Variants in DENND2A observed in about 807,000 individuals in gnomAD.
DENND2A encodes the protein DENN domain-containing protein 2A.
DENND2A carries 53 observed loss-of-function variants against 105.3 expected under a neutral mutation model. That is an observed-to-expected ratio of 0.50 (90% CI 0.40 to 0.63). The LOEUF (loss-of-function observed/expected upper bound fraction) is 0.63. DENND2A is among the 30% of genes least tolerant of loss of function. The pLI, the probability that DENND2A is intolerant of heterozygous loss-of-function variation, is 0.00. For synonymous variants in DENND2A, 522 were observed against 508.4 expected (o/e 1.03, Z -0.36); for missense variants, 1,138 against 1,279.6 (o/e 0.89, Z 1.69).
intron 12 of DENND2A, among the ~76,000 whole-genome samples, chr7:140,551,299 C>CAAAAA (rs529992901): frequency 3.4e-4 from 24 of 71,358 alleles, no homozygotes; most frequent in East Asian, 5.1e-4. Flanking sequence ...GACTCCATCT[C>CAAAAA]AAAAAAAAAA....
intron 5 of DENND2A, among the ~76,000 whole-genome samples, chr7:140,576,050 T>C (rs1275058418): frequency 6.6e-6 from 1 of 151,506 alleles, no homozygotes; most frequent in Admixed American, 6.6e-5. Context: ...ATATAATTAT[T>C]TTTACATCAT....
Position 140,544,775 on chromosome 7 carries a change from G to T in DENND2A, c.2179-9C>A. On this transcript the variant is annotated splice_polypyrimidine_tract_variant and intron_variant, in intron 13 of 19. Transcript: ENST00000496613. ...CGGCACAGTTCGATCACCTGCCAGG[G>T]AACAGGAGCAGCCATGAAGGAGGGG... The T allele has an allele frequency of 6.4e-7, 1 of 1,565,018 alleles. No homozygotes were observed. Among genetic ancestry groups the T allele is most frequent in the Non-Finnish European group, 8.7e-7 (1 of 1,154,702 alleles).
Position 140,523,721 on chromosome 7 carries a change from C to T in DENND2A, c.2548-297G>A, listed in dbSNP as rs1485528067. On this transcript the variant is annotated intron_variant, in intron 16 of 19. Coordinates refer to ENST00000496613, the MANE Select transcript of DENND2A (RefSeq NM_015689.5). This position sits in a 1 kb window ranked among gnomAD's most constrained non-coding sequence, Gnocchi z 4.5. Reference sequence around the variant, plus strand: ...TCCCAAGTAGCTGGAACTACAGGCGCGTGCCACCGCTCCTGGCTAATGTTT... The same window carrying T: ...TCCCAAGTAGCTGGAACTACAGGCGTGTGCCACCGCTCCTGGCTAATGTTT... Among the ~76,000 whole-genome samples, 1 of 152,138 alleles carries T rather than the reference C, an allele frequency of 6.6e-6. No individual in the cohort carries two copies. The highest frequency in any genetic ancestry group is 1.5e-5 in the Non-Finnish European group (1 of 68,018).
chr7:140,608,614 T>G (rs1217486535), intron 1 of DENND2A, among the ~76,000 whole-genome samples: 1 of 151,528 alleles, frequency 6.6e-6, no homozygotes, highest in Non-Finnish European at 1.5e-5. Context: ...AGATGGAGGT[T>G]GCAGTGAGCT....
chr7:140,550,751 C>T (rs766858970), intron 12 of DENND2A, among the ~76,000 whole-genome samples: 6 of 151,884 alleles, frequency 4.0e-5, no homozygotes, highest in Admixed American at 6.6e-5. Context: ...TGAGCCACCG[C>T]GCCTGGCCTC....
intron 1 of DENND2A, among the ~76,000 whole-genome samples, chr7:140,619,603 G>T (rs979340136): frequency 1.4e-4 from 21 of 151,930 alleles, no homozygotes; most frequent in Admixed American, 8.5e-4. Context: ...GGGTTCGAGA[G>T]ATTCTCCTGC....
intron 5 of DENND2A, among the ~76,000 whole-genome samples, chr7:140,577,747 T>A (rs1798364324): frequency 6.6e-6 from 1 of 152,158 alleles, no homozygotes; most frequent in Admixed American, 6.6e-5. Flanking sequence ...TTGTGGGCCA[T>A]ATCCTCTCTG....
chr7:140,586,026 C>A (rs1159216912), intron 4 of DENND2A, among the ~76,000 whole-genome samples: 1 of 152,124 alleles, frequency 6.6e-6, no homozygotes, highest in African/African-American at 2.4e-5. Context: ...GATATCACTG[C>A]ATGGCATTCC....
At chr7:140,587,907 C>G in intron 3 of DENND2A, 127 bp from the exon 4 acceptor site, 1 of 1,103,772 alleles carries the variant, frequency 9.1e-7, no homozygotes. Context: ...CCGAAATCAA[C>G]TTTTATTTTA....
chr7:140,552,687 T>C (rs1437538729), intron 12 of DENND2A, among the ~76,000 whole-genome samples: 1 of 152,090 alleles, frequency 6.6e-6, no homozygotes, highest in Non-Finnish European at 1.5e-5. Context: ...TGTGAGCCAC[T>C]GCGCCTGGCC....
At chr7:140,615,882 G>A (rs1020511056) in intron 1 of DENND2A, among the ~76,000 whole-genome samples, 1 of 151,756 alleles carries the variant, frequency 6.6e-6, no homozygotes, top group African/African-American at 2.4e-5. Flanking sequence ...TGCTTAATGC[G>A]TCCACCAACA....
chr7:140,543,121 C>CTT (rs35896324), intron 14 of DENND2A, among the ~76,000 whole-genome samples: 8 of 139,172 alleles, frequency 5.7e-5, no homozygotes, highest in Non-Finnish European at 7.7e-5. Flanking sequence ...CTTTTCTTTT[C>CTT]TTTTTTTTTT....
rs913026990 is a variant in DENND2A, at chr7:140,523,793, G to A, written c.2548-369C>T. On this transcript the variant is annotated intron_variant, in intron 16 of 19. Transcript: ENST00000496613. The surrounding 1 kb of genome is among the most constrained non-coding windows in gnomAD (Gnocchi z 4.5). ...TCACCATGTTAGCCAGGCTGGTCTCGAACTCCTGACCTCAGGTGATCCGCC... is the reference window on the plus strand; with the variant it reads ...TCACCATGTTAGCCAGGCTGGTCTCAAACTCCTGACCTCAGGTGATCCGCC... Among the ~76,000 whole-genome samples, 6 of 152,174 alleles carry A rather than the reference G, an allele frequency of 3.9e-5. No individual in the cohort carries two copies. The highest frequency in any genetic ancestry group is 3.4e-3 in the Middle Eastern group (1 of 294).
At chr7:140,561,319 G>A (rs558177069) in intron 9 of DENND2A, among the ~76,000 whole-genome samples, 3 of 152,262 alleles carry the variant, frequency 2.0e-5, no homozygotes, top group African/African-American at 7.2e-5. Context: ...TGTTGCTGTT[G>A]TTGTTAATAG....
In DENND2A at chr7:140,555,560, A is replaced by G. The variant is rs149634983; in HGVS notation, c.2037+76T>C. 8,929 of 1,284,868 alleles carry G rather than the reference A, an allele frequency of 6.9e-3. 56 individuals carry two copies. The highest frequency in any genetic ancestry group is 0.011 in the Middle Eastern group (56 of 4,936). The allele number at this position is 1,284,868 out of a possible 1,614,324, so 79.6% of individuals were successfully genotyped here. ...AATAAGATGATAGAAGGCCCAGGAC[A>G]TGGGGGTATTCCCTGGAGCCCTCTA... On this transcript the variant is annotated intron_variant, in intron 12 of 19. Transcript: ENST00000496613.
chr7:140,591,063 C>T (rs1048675772), intron 3 of DENND2A, among the ~76,000 whole-genome samples: 3 of 152,014 alleles, frequency 2.0e-5, no homozygotes, highest in East Asian at 1.9e-4. Context: ...TTTGGGAGGC[C>T]GAAGCAGGTG....
chr7:140,558,964 C>G (rs1387856651), intron 10 of DENND2A, among the ~76,000 whole-genome samples: 6 of 152,090 alleles, frequency 3.9e-5, no homozygotes, highest in South Asian at 2.1e-4. Context: ...TCCCATCATT[C>G]AATCACCTGA....
At chr7:140,529,339 T>C (rs1796173095) in intron 14 of DENND2A, among the ~76,000 whole-genome samples, 1 of 152,206 alleles carries the variant, frequency 6.6e-6, no homozygotes, top group Non-Finnish European at 1.5e-5. Context: ...ACTTTTACAC[T>C]GTTGGTAGGA....
In DENND2A at chr7:140,540,727, T is replaced by C. The variant is rs568319006; in HGVS notation, c.2327+3891A>G. On this transcript the variant is annotated intron_variant, in intron 14 of 19. Coordinates refer to ENST00000496613, the MANE Select transcript of DENND2A (RefSeq NM_015689.5). ...GCATTTCCAGGTTTCTTTCTTTCTT[T>C]TTTTTTTTTAGACAGGGTCTCGCTC... Among the ~76,000 whole-genome samples the C allele has an allele frequency of 1.6e-4, 23 of 142,366 alleles. 1 individual carries two copies. In the South Asian group the frequency reaches 1.7e-3, roughly 10 times the overall value. 93.4% of individuals were successfully genotyped at this position (142,366 alleles called of 152,430 possible).
Sources: allele counts gnomAD v4.1 joint callset (sites outside exome capture counted in the v4.1 genomes callset), GRCh38; gene constraint gnomAD v4.1.1; non-coding constraint Gnocchi (gnomAD v3.1); transcripts MANE v1.5; gene names NCBI Gene and HGNC (gene_info 2026-07-23, HGNC 2026-07-21).